The following AGBL1 variants were observed in gnomAD, a reference collection of about 807,000 sequenced individuals.
The protein encoded by AGBL1 is AGBL carboxypeptidase 1, also known as cytosolic carboxypeptidase 4.
In AGBL1, 130 loss-of-function variants were observed where a neutral mutation model predicts 118.9. That is an observed-to-expected ratio of 1.09 (90% CI 0.95 to 1.26). AGBL1 has a LOEUF of 1.26. AGBL1 is among the 50% of genes most tolerant of loss of function. The pLI is 0.00. For missense variants in AGBL1, 1,584 were observed against 1,298.1 expected (o/e 1.22, Z -3.38); for synonymous variants, 555 against 478.9 (o/e 1.16, Z -2.08).
intron 23 of AGBL1, among the ~76,000 whole-genome samples, chr15:86,968,709 T>C (rs954017887): frequency 2.0e-5 from 3 of 151,926 alleles, no homozygotes; most frequent in African/African-American, 7.2e-5. Context: ...CCTTAGTCTC[T>C]TCAGGCTGCT....
chr15:86,987,016 C>T (rs1254888666), intron 23 of AGBL1, among the ~76,000 whole-genome samples: 2 of 151,874 alleles, frequency 1.3e-5, no homozygotes, highest in South Asian at 2.1e-4. Context: ...ACAAGGTGCT[C>T]AGTTGGGGAG....
intron 22 of AGBL1, among the ~76,000 whole-genome samples, chr15:86,706,841 A>G (rs1216855063): frequency 1.3e-5 from 2 of 152,092 alleles, no homozygotes; most frequent in African/African-American, 4.8e-5. Context: ...TTTGTTGTGG[A>G]ATATTAGAAA....
intron 21 of AGBL1, among the ~76,000 whole-genome samples, chr15:86,562,733 T>C (rs1451493663): frequency 6.6e-6 from 1 of 152,220 alleles, no homozygotes; most frequent in Non-Finnish European, 1.5e-5. Flanking sequence ...AGCTCCTCCT[T>C]GTACCTCTGG....
intron 5 of AGBL1, among the ~76,000 whole-genome samples, chr15:86,196,355 G>A (rs577203200): frequency 3.4e-4 from 52 of 152,260 alleles, no homozygotes; most frequent in African/African-American, 1.2e-3. Flanking sequence ...GTGGTAGAGG[G>A]AGTGTCCTGA....
chr15:86,124,381 A>G (rs1597425872), intron 1 of AGBL1, among the ~76,000 whole-genome samples: 1 of 151,860 alleles, frequency 6.6e-6, no homozygotes, highest in Admixed American at 6.6e-5. Context: ...AAAAAACAAA[A>G]TACCAAAAAA....
chr15:86,824,006 A>G (rs570218522), intron 22 of AGBL1, among the ~76,000 whole-genome samples: 1 of 152,274 alleles, frequency 6.6e-6, no homozygotes, highest in East Asian at 1.9e-4. Context: ...TTTTCCCCTG[A>G]TGATTGGGAA....
At chr15:86,727,757 C>G (rs750561050) in intron 22 of AGBL1, among the ~76,000 whole-genome samples, 1 of 152,164 alleles carries the variant, frequency 6.6e-6, no homozygotes, top group African/African-American at 2.4e-5. Flanking sequence ...TTTATAGACT[C>G]AGAGAATCAC....
intron 22 of AGBL1, among the ~76,000 whole-genome samples, chr15:86,884,158 C>T (rs969901190): frequency 5.9e-5 from 9 of 152,158 alleles, no homozygotes; most frequent in Non-Finnish European, 1.0e-4. Flanking sequence ...ACTATTATTG[C>T]ACTTTGGGGC....
intron 22 of AGBL1, among the ~76,000 whole-genome samples, chr15:86,762,421 A>G (rs532493236): frequency 1.3e-5 from 2 of 152,146 alleles, no homozygotes; most frequent in Admixed American, 6.6e-5. Context: ...GCGTCCTAAC[A>G]AGTTGAATCC....
At chr15:86,281,285 G>C (rs535157271) in intron 16 of AGBL1, among the ~76,000 whole-genome samples, 1 of 152,270 alleles carries the variant, frequency 6.6e-6, no homozygotes, top group Non-Finnish European at 1.5e-5. Flanking sequence ...TTGGGAGGCT[G>C]AGTTGGAGGA....
At chr15:86,847,527 T>C (rs2079336870) in intron 22 of AGBL1, among the ~76,000 whole-genome samples, 1 of 152,228 alleles carries the variant, frequency 6.6e-6, no homozygotes, top group Admixed American at 6.5e-5. Flanking sequence ...TTGAAAATTT[T>C]TGTTTTTGTT....
chr15:86,590,847 G>A (rs1470868986), intron 21 of AGBL1, among the ~76,000 whole-genome samples: 1 of 152,162 alleles, frequency 6.6e-6, no homozygotes, highest in Non-Finnish European at 1.5e-5. Flanking sequence ...CTCAAAATAT[G>A]TCAAAGAAAT....
intron 22 of AGBL1, among the ~76,000 whole-genome samples, chr15:86,810,664 G>C (rs2078775727): frequency 1.3e-5 from 2 of 152,108 alleles, no homozygotes; most frequent in African/African-American, 4.8e-5. Flanking sequence ...AGTTCTCTCT[G>C]TACTGAAGCT....
intron 18 of AGBL1, among the ~76,000 whole-genome samples, chr15:86,405,287 A>G (rs912025265): frequency 1.3e-5 from 2 of 151,958 alleles, no homozygotes; most frequent in African/African-American, 4.8e-5. Context: ...CGAGGCAGGC[A>G]GATCACGAGG....
chr15:86,390,222 T>C (rs1376720351), intron 17 of AGBL1, among the ~76,000 whole-genome samples: 1 of 152,188 alleles, frequency 6.6e-6, no homozygotes, highest in African/African-American at 2.4e-5. Context: ...TAAATCTGTA[T>C]GCAGTTAATA....
chr15:86,828,591 G>A (rs1051534538), intron 22 of AGBL1, among the ~76,000 whole-genome samples: 1 of 152,120 alleles, frequency 6.6e-6, no homozygotes, highest in African/African-American at 2.4e-5. Flanking sequence ...GAAGTAGAAA[G>A]TAGAAGATCT....
intron 22 of AGBL1, among the ~76,000 whole-genome samples, chr15:86,693,330 A>G (rs2086203818): frequency 6.6e-6 from 1 of 151,906 alleles, no homozygotes; most frequent in South Asian, 2.1e-4. Flanking sequence ...GGCAGTTTTT[A>G]TTTGCATTTC....
At chr15:86,549,411 A>G (rs2083632835) in intron 20 of AGBL1, among the ~76,000 whole-genome samples, 1 of 152,172 alleles carries the variant, frequency 6.6e-6, no homozygotes, top group South Asian at 2.1e-4. Context: ...GTCAAGCTAA[A>G]TAATTTAAAT....
chr15:86,089,330 A>T (rs1232109909), intron 1 of AGBL1, among the ~76,000 whole-genome samples: 1 of 152,220 alleles, frequency 6.6e-6, no homozygotes, highest in Non-Finnish European at 1.5e-5. Flanking sequence ...CCACCAGCTA[A>T]TGACCCTACA....
Sources: allele counts gnomAD v4.1 joint callset (sites outside exome capture counted in the v4.1 genomes callset), GRCh38; gene constraint gnomAD v4.1.1; transcripts MANE v1.5; gene names NCBI Gene and HGNC (gene_info 2026-07-23, HGNC 2026-07-21).